FERRY3: variants seen among roughly 807,000 people sequenced by gnomAD.
FERRY3 encodes FERRY endosomal RAB5 effector complex subunit 3, also known as protein C12orf4.
At chr12:4,517,385 A>C in the FERRY3 span, among the ~76,000 whole-genome samples, 4 of 152,114 alleles carry the variant, frequency 2.6e-5, no homozygotes, top group Non-Finnish European at 5.9e-5. Context: ...TAACCTCTCT[A>C]ACACTCAAAA....
chr12:4,511,137 CA>C, the FERRY3 span, among the ~76,000 whole-genome samples: 1 of 150,366 alleles, frequency 6.7e-6, no homozygotes. Context: ...TCAAAAGAGA[CA>C]AAGAAGGCCA....
the FERRY3 span, chr12:4,502,500 TA>T: frequency 2.4e-6 from 1 of 422,400 alleles, no homozygotes; most frequent in Admixed American, 3.0e-5. The surrounding 1 kb of genome is among the most constrained non-coding windows in gnomAD (Gnocchi z 4.2). Context: ...TATAAAGAAA[TA>T]AAATAGAAAA....
At chr12:4,527,526 A>G in the FERRY3 span, among the ~76,000 whole-genome samples, 23 of 152,168 alleles carry the variant, frequency 1.5e-4, no homozygotes, top group African/African-American at 5.1e-4. Context: ...GTGCCGAGAA[A>G]CTGTCTTTTA....
At chr12:4,534,396 T>G in the FERRY3 span, 2 of 1,361,544 alleles carry the variant, frequency 1.5e-6, no homozygotes, top group Admixed American at 2.5e-5. Context: ...GAAATCTTAT[T>G]GTTAAATTTT....
chr12:4,536,280 CA>C, the FERRY3 span: 1 of 930,240 alleles, frequency 1.1e-6, no homozygotes, highest in Non-Finnish European at 1.5e-6. Context: ...ATTGCTGTCC[CA>C]TTTCTAAGAA....
At chr12:4,518,956 G>A in the FERRY3 span, 1 of 941,510 alleles carries the variant, frequency 1.1e-6, no homozygotes, top group Non-Finnish European at 1.5e-6. Context: ...TATAATGAGA[G>A]AAAACTGAAC....
chr12:4,499,105 AT>A, the FERRY3 span, among the ~76,000 whole-genome samples: 2 of 152,110 alleles, frequency 1.3e-5, no homozygotes, highest in Admixed American at 6.6e-5. Flanking sequence ...ACAATATAGC[AT>A]TTTTCTTTTG....
chr12:4,501,535 TG>T, the FERRY3 span, among the ~76,000 whole-genome samples: 1 of 152,062 alleles, frequency 6.6e-6, no homozygotes, highest in Non-Finnish European at 1.5e-5. Context: ...GTCAGATCAG[TG>T]GCAGCATTAG....
the FERRY3 span, among the ~76,000 whole-genome samples, chr12:4,494,753 AGTGT>A: frequency 1.3e-5 from 2 of 152,330 alleles, no homozygotes; most frequent in Non-Finnish European, 2.9e-5. Context: ...GAAATTAGTT[AGTGT>A]AAGTTCTTTA....
the FERRY3 span, among the ~76,000 whole-genome samples, chr12:4,516,675 G>A: frequency 6.6e-6 from 1 of 152,092 alleles, no homozygotes. Flanking sequence ...ACACACGGAC[G>A]CATTGTGGGG....
chr12:4,508,073 A>T, the FERRY3 span, among the ~76,000 whole-genome samples: 15 of 152,220 alleles, frequency 9.9e-5, no homozygotes, highest in Admixed American at 3.3e-4. Flanking sequence ...TATTGAATAG[A>T]TAAAGAAACT....
chr12:4,495,215 C>T, the FERRY3 span, among the ~76,000 whole-genome samples: 4 of 152,122 alleles, frequency 2.6e-5, no homozygotes, highest in Admixed American at 2.6e-4. Context: ...TATTCACTTA[C>T]GTTAAACATT....
the FERRY3 span, chr12:4,525,170 A>G: frequency 2.3e-3 from 3,309 of 1,468,708 alleles, 70 homozygotes; most frequent in African/African-American, 0.039. Flanking sequence ...AAAGACATAC[A>G]GCTAAAAGGT....
At chr12:4,517,152 A>T in the FERRY3 span, 1 of 1,588,632 alleles carries the variant, frequency 6.3e-7, no homozygotes, top group Non-Finnish European at 8.6e-7. Flanking sequence ...TTCGGGGGAA[A>T]TGGAAGTCAG....
chr12:4,502,145 G>C, the FERRY3 span, among the ~76,000 whole-genome samples: 1 of 152,122 alleles, frequency 6.6e-6, no homozygotes, highest in Non-Finnish European at 1.5e-5. This position sits in a 1 kb window ranked among gnomAD's most constrained non-coding sequence, Gnocchi z 4.2. Flanking sequence ...CTATGTACTA[G>C]TGGTCTCCTC....
the FERRY3 span, among the ~76,000 whole-genome samples, chr12:4,501,441 T>G: frequency 6.6e-6 from 1 of 152,002 alleles, no homozygotes; most frequent in Admixed American, 6.6e-5. Flanking sequence ...TAGTGGGAGG[T>G]GAGCAGCCAG....
the FERRY3 span, chr12:4,516,910 T>C: frequency 4.0e-6 from 3 of 754,186 alleles, no homozygotes; most frequent in Admixed American, 1.3e-4. Flanking sequence ...ATTTTGATGT[T>C]CTTTCTAAAT....
the FERRY3 span, among the ~76,000 whole-genome samples, chr12:4,524,762 G>A: frequency 6.6e-6 from 1 of 152,126 alleles, no homozygotes; most frequent in South Asian, 2.1e-4. Flanking sequence ...GCCAAGAGAT[G>A]CCATACAAGT....
the FERRY3 span, among the ~76,000 whole-genome samples, chr12:4,522,628 T>A: frequency 6.6e-6 from 1 of 152,240 alleles, no homozygotes; most frequent in Non-Finnish European, 1.5e-5. Flanking sequence ...AAGTTAAATG[T>A]ACACTTACCA....
Sources: allele counts gnomAD v4.1 joint callset (sites outside exome capture counted in the v4.1 genomes callset), GRCh38; gene constraint gnomAD v4.1.1; non-coding constraint Gnocchi (gnomAD v3.1); transcripts MANE v1.5; gene names NCBI Gene and HGNC (gene_info 2026-07-23, HGNC 2026-07-21).